DGKB: variants seen among roughly 807,000 people sequenced by gnomAD.
The protein encoded by DGKB is 90 kDa diacylglycerol kinase.
Under a neutral mutation model 114.3 loss-of-function variants are expected in DGKB, and 67 were observed. That is an observed-to-expected ratio of 0.59 (90% CI 0.48 to 0.72). The LOEUF (loss-of-function observed/expected upper bound fraction) is 0.72, where lower values mean the gene tolerates loss of function less well. Among genes scored for constraint, DGKB ranks in the 30% least tolerant of loss-of-function variants. DGKB has a pLI of 0.00. For missense variants in DGKB, 907 were observed against 975.2 expected, an observed-to-expected ratio of 0.93 and a Z score of 0.93; for synonymous variants, 398 against 323.1, an observed-to-expected ratio of 1.23 and a Z score of -2.49.
intron 15 of DGKB, among the ~76,000 whole-genome samples, chr7:14,616,623 T>A (rs1368199253): frequency 1.3e-5 from 2 of 151,736 alleles, no homozygotes; most frequent in Non-Finnish European, 3.0e-5. Context: ...GTACATATAT[T>A]TATACAGCAT....
At chr7:14,923,695 A>T (rs1784614971) in intron 1 of DGKB, among the ~76,000 whole-genome samples, 1 of 152,030 alleles carries the variant, frequency 6.6e-6, no homozygotes, top group South Asian at 2.1e-4. Context: ...AAACTCCTCT[A>T]TATAAAAGCT....
intron 21 of DGKB, among the ~76,000 whole-genome samples, chr7:14,472,108 G>T (rs1382619037): frequency 6.6e-6 from 1 of 152,146 alleles, no homozygotes; most frequent in South Asian, 2.1e-4. Context: ...TACACATTAA[G>T]AATTTGAATT....
At chr7:14,331,517 T>A (rs965617278) in intron 23 of DGKB, among the ~76,000 whole-genome samples, 1 of 152,060 alleles carries the variant, frequency 6.6e-6, no homozygotes, top group African/African-American at 2.4e-5. Context: ...TCTAGAAAAA[T>A]TCATAATAGT....
In DGKB at chr7:14,844,318, G is replaced by C. The variant is rs117737733; in HGVS notation, c.-187-2868C>G. Among the ~76,000 whole-genome samples, 540 of 152,316 alleles carry C rather than the reference G, an allele frequency of 3.5e-3. 3 individuals are homozygous for C. Among genetic ancestry groups the C allele is most frequent in the Non-Finnish European group, 6.5e-3 (441 of 68,024 alleles). On this transcript the variant is annotated intron_variant, in intron 1 of 25. Transcript: ENST00000402815. ...TAGACAACTTTAATATGGAGGCTAT[G>C]TGTTAGGGATAGGAAGCCCACATAA...
chr7:14,899,646 T>C (rs1055436712), intron 1 of DGKB, among the ~76,000 whole-genome samples: 15 of 152,146 alleles, frequency 9.9e-5, no homozygotes, highest in Non-Finnish European at 2.1e-4. Flanking sequence ...GTCCCCATGT[T>C]CATTTTCAGA....
chr7:14,916,050 G>T (rs753838367), intron 1 of DGKB, among the ~76,000 whole-genome samples: 55 of 151,766 alleles, frequency 3.6e-4, no homozygotes, highest in Non-Finnish European at 7.8e-4. Flanking sequence ...AATGTTATAT[G>T]GAATAAAAGC....
At chr7:14,697,138 T>C (rs1024681490) in intron 8 of DGKB, among the ~76,000 whole-genome samples, 3 of 152,220 alleles carry the variant, frequency 2.0e-5, no homozygotes, top group African/African-American at 7.2e-5. Context: ...TTTTAATATG[T>C]ATTTTAATAA....
intron 1 of DGKB, among the ~76,000 whole-genome samples, chr7:14,893,416 G>A (rs1781607246): frequency 6.6e-6 from 1 of 151,254 alleles, no homozygotes; most frequent in African/African-American, 2.4e-5. Flanking sequence ...ATAACAAATT[G>A]TTTTCATTCT....
intron 1 of DGKB, among the ~76,000 whole-genome samples, chr7:14,939,506 A>G (rs1291450721): frequency 6.6e-6 from 1 of 152,092 alleles, no homozygotes; most frequent in East Asian, 1.9e-4. Flanking sequence ...TCTGACAGGT[A>G]GAATAGAGGT....
Position 14,797,644 on chromosome 7 carries a change from AT to A in DGKB, c.71-39914del, listed in dbSNP as rs797005369. Reference sequence around the variant, plus strand: ...TGAAAGGAATATTTACCATCTATTTATTTTTTTTTTTTCCTGAGGGCTGCCA... The same window carrying A: ...TGAAAGGAATATTTACCATCTATTTATTTTTTTTTTTCCTGAGGGCTGCCA... On this transcript the variant is annotated intron_variant, in intron 2 of 25. Transcript: ENST00000402815. 3.0e-3 allele frequency among the ~76,000 whole-genome samples: 434 copies of A among 144,606 alleles called. 1 individual carries two copies. The highest frequency in any genetic ancestry group is 5.2e-3 in the African/African-American group (208 of 39,726). The allele number at this position is 144,606 out of a possible 152,430, so 94.9% of individuals were successfully genotyped here. A position where few individuals can be genotyped will look rare whatever the true frequency, so the allele number is the denominator to read the frequency against.
chr7:14,548,684 T>C lies in DGKB; in HGVS notation c.1770+25528A>G, dbSNP rs78933074. On this transcript the variant is annotated intron_variant, in intron 20 of 25. Coordinates refer to ENST00000402815, the MANE Select transcript of DGKB (RefSeq NM_001350709.2). ...TGATAGGAAGCTTGGAATTCATCTG[T>C]ATGCAACAGCAGGGCCACTGGAGCC... is the stretch of plus-strand genomic sequence containing the variant. 9.8e-3 allele frequency among the ~76,000 whole-genome samples: 1,484 copies of C among 152,118 alleles called. 25 individuals are homozygous for C. Among genetic ancestry groups the C allele is most frequent in the African/African-American group, 0.033 (1,349 of 41,492 alleles).
chr7:14,952,551 A>T (rs1049315180), intron 1 of DGKB, among the ~76,000 whole-genome samples: 1 of 151,698 alleles, frequency 6.6e-6, no homozygotes, highest in East Asian at 2.0e-4. Flanking sequence ...AAAATTAAAA[A>T]AAAAATACAG....
At chr7:14,167,283 G>A (rs1217717220) in intron 25 of DGKB, among the ~76,000 whole-genome samples, 3 of 151,846 alleles carry the variant, frequency 2.0e-5, no homozygotes, top group Non-Finnish European at 4.4e-5. Flanking sequence ...GCAGTGGAAG[G>A]TAATTAAAAC....
chr7:14,842,475 A>G (rs1043674309), intron 1 of DGKB, among the ~76,000 whole-genome samples: 3 of 152,192 alleles, frequency 2.0e-5, no homozygotes, highest in African/African-American at 7.2e-5. Flanking sequence ...TGATGTGCTC[A>G]CAGAGACCAA....
At chr7:14,889,300 T>C (rs1378321984) in intron 1 of DGKB, among the ~76,000 whole-genome samples, 1 of 151,702 alleles carries the variant, frequency 6.6e-6, no homozygotes, top group Non-Finnish European at 1.5e-5. Flanking sequence ...AGCAATCCTC[T>C]CAGTCAGCAA....
chr7:14,726,694 T>C (rs886203143), intron 5 of DGKB, among the ~76,000 whole-genome samples: 7 of 152,250 alleles, frequency 4.6e-5, no homozygotes, highest in African/African-American at 1.7e-4. Context: ...TTTGTGAACA[T>C]GTATTTATAT....
At chr7:14,180,354 T>A (rs958856591) in intron 23 of DGKB, among the ~76,000 whole-genome samples, 31 of 152,208 alleles carry the variant, frequency 2.0e-4, no homozygotes, top group Admixed American at 6.5e-5. Flanking sequence ...ACCATATTGC[T>A]ACTGTCTACC....
chr7:14,444,078 AC>A (rs1830428197), intron 21 of DGKB, among the ~76,000 whole-genome samples: 1 of 151,840 alleles, frequency 6.6e-6, no homozygotes, highest in African/African-American at 2.4e-5. Context: ...TTCATATTTT[AC>A]ATTTATATAC....
At chr7:14,207,231 A>G (rs906983575) in intron 23 of DGKB, among the ~76,000 whole-genome samples, 1 of 152,068 alleles carries the variant, frequency 6.6e-6, no homozygotes, top group Non-Finnish European at 1.5e-5. Context: ...ATAGCACCTG[A>G]TCCCTCAGAC....
Sources: allele counts gnomAD v4.1 joint callset (sites outside exome capture counted in the v4.1 genomes callset), GRCh38; gene constraint gnomAD v4.1.1; transcripts MANE v1.5; gene names NCBI Gene and HGNC (gene_info 2026-07-23, HGNC 2026-07-21).